The following TMCO4 variants were observed in gnomAD, a reference collection of about 807,000 sequenced individuals.
TMCO4 encodes transmembrane and coiled-coil domains 4, also known as transmembrane and coiled-coil domain-containing protein 4.
A neutral mutation model predicts 64.7 loss-of-function variants in TMCO4; 58 were observed. The ratio of observed to expected loss-of-function variants is 0.90; its 90% CI spans 0.73 to 1.12. The LOEUF (loss-of-function observed/expected upper bound fraction) is 1.12, where lower values mean the gene tolerates loss of function less well. Ranked by LOEUF, TMCO4 falls within the 50% of genes most tolerant of loss-of-function variation. The pLI is 0.00. For synonymous variants in TMCO4, 325 were observed against 346.1 expected (o/e 0.94, Z 0.68); for missense variants, 780 against 825.9 (o/e 0.94, Z 0.68).
At chr1:19,708,212 C>T (rs147041349) in intron 13 of TMCO4, among the ~76,000 whole-genome samples, 86 of 152,122 alleles carry the variant, frequency 5.7e-4, no homozygotes, top group African/African-American at 1.9e-3. Flanking sequence ...AGACAGCATC[C>T]TCAGAAGAGG....
chr1:19,746,741 G>A (rs1400655737), intron 8 of TMCO4, 142 bp from the exon 9 acceptor site: 7 of 1,102,158 alleles, frequency 6.4e-6, no homozygotes, highest in Admixed American at 2.9e-5. Context: ...TGGCTAACAC[G>A]GTGAAACCTC....
chr1:19,791,158 G>A (rs973880589), intron 2 of TMCO4, among the ~76,000 whole-genome samples: 1 of 152,090 alleles, frequency 6.6e-6, no homozygotes, highest in Non-Finnish European at 1.5e-5. Context: ...CCTGTCAGCG[G>A]GTGGGATGCG....
At chr1:19,769,365 T>C (rs777886373) in intron 6 of TMCO4, among the ~76,000 whole-genome samples, 5 of 152,188 alleles carry the variant, frequency 3.3e-5, no homozygotes, top group Non-Finnish European at 7.4e-5. Context: ...TCTGCATACC[T>C]GCCCAGGTGA....
chr1:19,734,416 G>A lies in TMCO4; in HGVS notation c.1264+2956C>T, dbSNP rs2100810075. On this transcript the variant is annotated intron_variant, in intron 13 of 15. Coordinates refer to ENST00000294543, the MANE Select transcript of TMCO4 (RefSeq NM_181719.7). The surrounding 1 kb of genome is among the most constrained non-coding windows in gnomAD (Gnocchi z 4.4). ...AGTGTGCATATGTGCGCATGTGTGT[G>A]AACTGTAGGGTGCCCAGCACCAGTG... 6.6e-6 allele frequency among the ~76,000 whole-genome samples: 1 copy of A among 152,288 alleles called. No individual in the cohort carries two copies. The highest frequency in any genetic ancestry group is 1.9e-4 in the East Asian group (1 of 5,180).
intron 7 of TMCO4, among the ~76,000 whole-genome samples, chr1:19,753,315 C>T (rs553871590): frequency 3.9e-5 from 6 of 152,286 alleles, no homozygotes; most frequent in African/African-American, 1.4e-4. Context: ...TGAGACTCTA[C>T]TATGTGCCAA....
intron 7 of TMCO4, among the ~76,000 whole-genome samples, chr1:19,752,477 G>C (rs966873331): frequency 6.6e-6 from 1 of 152,076 alleles, no homozygotes; most frequent in Non-Finnish European, 1.5e-5. Context: ...TCCATAAATC[G>C]GTCTTACTCT....
intron 15 of TMCO4, among the ~76,000 whole-genome samples, chr1:19,687,292 C>G (rs4912016): frequency 0.8 from 121,763 of 152,076 alleles, 49,204 homozygotes; most frequent in African/African-American, 0.88. Context: ...TTCTTATGTT[C>G]TCCAGGCTGG....
rs997678713 is a variant in TMCO4 at position 19,780,450 on chromosome 1, T to A, written c.179+130A>T. ...CCACGGCCTGGAGGTTAGAGACCCC[T>A]GCGTTAGAGGCAAGGACAATGACTT... On this transcript the variant is annotated intron_variant, in intron 4 of 15. Coordinates refer to ENST00000294543, the MANE Select transcript of TMCO4 (RefSeq NM_181719.7). 28 of 1,152,326 alleles carry A rather than the reference T, an allele frequency of 2.4e-5. No individual in the cohort carries two copies. The African/African-American group carries it at 4.4e-4, about 18-fold the overall frequency. The allele number at this position is 1,152,326 out of a possible 1,614,324, so 71.4% of individuals were successfully genotyped here.
intron 6 of TMCO4, among the ~76,000 whole-genome samples, chr1:19,763,594 G>A (rs2100985045): frequency 6.6e-6 from 1 of 152,298 alleles, no homozygotes; most frequent in East Asian, 1.9e-4. Flanking sequence ...TGCTGTGCCA[G>A]GGCAGGGGCC....
In TMCO4 at chr1:19,747,162, C is replaced by T. The variant is rs758989393; in HGVS notation, c.613+1G>A. On this transcript the variant is annotated splice_donor_variant, in intron 8 of 15. Coordinates refer to ENST00000294543, the MANE Select transcript of TMCO4 (RefSeq NM_181719.7). LOFTEE classifies it high-confidence loss of function. ...GTGCCACCATCTCTAGCTGGACTCA[C>T]CGATCACCGTTCCGCCTCCGACAGT... 6.2e-6 allele frequency: 10 copies of T among 1,613,878 alleles called. No homozygotes were observed. Among genetic ancestry groups the T allele is most frequent in the African/African-American group, 4.0e-5 (3 of 75,038 alleles).
At chr1:19,782,294 G>A (rs914376547) in intron 3 of TMCO4, among the ~76,000 whole-genome samples, 5 of 152,190 alleles carry the variant, frequency 3.3e-5, no homozygotes, top group African/African-American at 9.7e-5. Flanking sequence ...ATTCACGAGA[G>A]AGTACCTACC....
chr1:19,718,422 G>A (rs1211410908), intron 13 of TMCO4, among the ~76,000 whole-genome samples: 2 of 151,868 alleles, frequency 1.3e-5, no homozygotes, highest in Non-Finnish European at 2.9e-5. Context: ...GGAGGTCGAG[G>A]TGGGAGGATC....
chr1:19,760,951 C>A (rs575592729), intron 6 of TMCO4, among the ~76,000 whole-genome samples: 1 of 152,322 alleles, frequency 6.6e-6, no homozygotes, highest in Admixed American at 6.5e-5. Flanking sequence ...TATCCCCTTT[C>A]GGCAGAAACA....
chr1:19,739,034 T>G (rs1236648441), intron 12 of TMCO4, among the ~76,000 whole-genome samples: 2 of 152,220 alleles, frequency 1.3e-5, no homozygotes, highest in Non-Finnish European at 1.5e-5. Flanking sequence ...CCTGGGCCTC[T>G]GCACCATGGA....
chr1:19,713,355 A>C (rs2095340586), intron 13 of TMCO4, among the ~76,000 whole-genome samples: 1 of 152,102 alleles, frequency 6.6e-6, no homozygotes, highest in Admixed American at 6.6e-5. Flanking sequence ...CCATTAAGAC[A>C]CTAGTTCAGG....
At chr1:19,793,061 C>T (rs1372059949) in intron 2 of TMCO4, among the ~76,000 whole-genome samples, 2 of 152,104 alleles carry the variant, frequency 1.3e-5, no homozygotes, top group African/African-American at 2.4e-5. Flanking sequence ...TGAGCCACCA[C>T]GCCTGGCCTC....
chr1:19,799,550 C>T (rs927871122), intron 1 of TMCO4, among the ~76,000 whole-genome samples: 5 of 152,232 alleles, frequency 3.3e-5, no homozygotes, highest in Non-Finnish European at 7.3e-5. Flanking sequence ...AGGCCGAGGC[C>T]GGAGTCGCCC....
chr1:19,764,526 G>A (rs2042643033), intron 6 of TMCO4, among the ~76,000 whole-genome samples: 2 of 152,212 alleles, frequency 1.3e-5, no homozygotes, highest in Admixed American at 6.5e-5. Context: ...GGAATAGATG[G>A]ACCAGGCTGT....
At chr1:19,782,780 C>T (rs1193331510) in intron 3 of TMCO4, among the ~76,000 whole-genome samples, 1 of 152,152 alleles carries the variant, frequency 6.6e-6, no homozygotes, top group Non-Finnish European at 1.5e-5. Flanking sequence ...GCCTCTACTA[C>T]AGGGGATCAA....
Sources: allele counts gnomAD v4.1 joint callset (sites outside exome capture counted in the v4.1 genomes callset), GRCh38; gene constraint gnomAD v4.1.1; non-coding constraint Gnocchi (gnomAD v3.1); transcripts MANE v1.5; gene names NCBI Gene and HGNC (gene_info 2026-07-23, HGNC 2026-07-21).